The following ARHGEF7 variants were observed in gnomAD, a reference collection of about 807,000 sequenced individuals.
The protein encoded by ARHGEF7 is Rho guanine nucleotide exchange factor 7.
Under a neutral mutation model 109.8 loss-of-function variants are expected in ARHGEF7, and 33 were observed. The ratio of observed to expected loss-of-function variants is 0.30; its 90% CI spans 0.23 to 0.40. The LOEUF (loss-of-function observed/expected upper bound fraction) is 0.40, where lower values mean the gene tolerates loss of function less well. Among genes scored for constraint, ARHGEF7 ranks in the 10% least tolerant of loss-of-function variants. ARHGEF7 has a pLI of 1.00. For missense variants in ARHGEF7, 938 were observed against 1,098.5 expected (o/e 0.85, Z 2.07); for synonymous variants, 458 against 424.6 (o/e 1.08, Z -0.97).
intron 2 of ARHGEF7, among the ~76,000 whole-genome samples, chr13:111,176,570 G>A (rs968747286): frequency 1.3e-5 from 2 of 152,174 alleles, no homozygotes; most frequent in Non-Finnish European, 2.9e-5. Flanking sequence ...ACCTGTCACT[G>A]CCTAAACACC....
chr13:111,216,322 T>A (rs1460417080), intron 4 of ARHGEF7, among the ~76,000 whole-genome samples: 1 of 152,018 alleles, frequency 6.6e-6, no homozygotes, highest in South Asian at 2.1e-4. Flanking sequence ...GGGGGCTGTA[T>A]GTCAAGAAGT....
rs531247743 is a variant in ARHGEF7 at position 111,294,881 on chromosome 13, C to T, written c.2311+2587C>T. The T allele has an allele frequency of 8.7e-5, 86 of 985,814 alleles. 3 individuals are homozygous for T. The South Asian group carries it at 3.5e-3, about 40-fold the overall frequency. 61.1% of individuals were successfully genotyped at this position (985,814 alleles called of 1,614,324 possible). A position where few individuals can be genotyped will look rare whatever the true frequency, so the allele number is the denominator to read the frequency against. ...CTAAATGGTGTTCCCTTTGAAATAA[C>T]GCTTGCCACAAGTATATAATAAGCT... On this transcript the variant is annotated intron_variant, in intron 19 of 21. Transcript: ENST00000646102.
At chr13:111,293,863 G>A in intron 19 of ARHGEF7, 1 of 985,362 alleles carries the variant, frequency 1.0e-6, no homozygotes, top group Non-Finnish European at 1.2e-6. Context: ...GTCTTGTCCT[G>A]GGAGCCGGGT....
At chr13:111,300,900 A>G (rs1167766899) in intron 20 of ARHGEF7, 53 bp downstream of exon 20, 2 of 1,206,736 alleles carry the variant, frequency 1.7e-6, no homozygotes, top group East Asian at 2.5e-5. Flanking sequence ...GCGGTGGGGT[A>G]GTAGAGTCCA....
chr13:111,249,420 G>T (rs779582309), intron 8 of ARHGEF7, among the ~76,000 whole-genome samples: 12 of 151,822 alleles, frequency 7.9e-5, no homozygotes, highest in Admixed American at 2.0e-4. Flanking sequence ...GAGAAGTTCA[G>T]TATTTAAAGG....
chr13:111,203,098 G>T, intron 2 of ARHGEF7: 2 of 1,282,598 alleles, frequency 1.6e-6, no homozygotes, highest in South Asian at 1.3e-5. Context: ...TTTGTGACTT[G>T]CTGCCTTGCC....
At chr13:111,301,996 G>A (rs2093579158) in intron 21 of ARHGEF7, among the ~76,000 whole-genome samples, 2 of 151,902 alleles carry the variant, frequency 1.3e-5, no homozygotes, top group South Asian at 2.1e-4. Flanking sequence ...AAAGTGACTT[G>A]TTTAAACTCT....
Position 111,273,895 on chromosome 13 carries a change from C to G in ARHGEF7, c.1155C>G (p.Pro385=). 6.2e-7 allele frequency: 1 copy of G among 1,614,176 alleles called. No individual in the cohort carries two copies. The highest frequency in any genetic ancestry group is 8.5e-7 in the Non-Finnish European group (1 of 1,180,030). ...ILVLTTGLSK[P]FMRLDKYPTL... ...TGCTGACCACGGGCCTGAGCAAACC[C>G]TTCATGCGCCTGGATAAATACCCTA... The change falls in exon 10 of 22, where the codon CCC becomes CCG. Residue 385 remains proline (P), a synonymous_variant. Coordinates refer to ENST00000646102, the MANE Select transcript of ARHGEF7 (RefSeq NM_001354046.2). This position sits in a 1 kb window ranked among gnomAD's most constrained non-coding sequence, Gnocchi z 4.5.
At chr13:111,280,410 C>A in intron 14 of ARHGEF7, 60 bp downstream of exon 14, 2 of 1,582,910 alleles carry the variant, frequency 1.3e-6, no homozygotes, top group Non-Finnish European at 1.7e-6. Flanking sequence ...CTTGTCCCCG[C>A]GTGCAGATTC....
chr13:111,173,362 T>C (rs937900100), intron 2 of ARHGEF7, among the ~76,000 whole-genome samples: 1 of 152,256 alleles, frequency 6.6e-6, no homozygotes, highest in African/African-American at 2.4e-5. Flanking sequence ...GTCACTTTTA[T>C]CTTCACAGAG....
Position 111,162,533 on chromosome 13 carries a change from A to AG in ARHGEF7, c.252+8544dup, listed in dbSNP as rs1252744559. Among the ~76,000 whole-genome samples the AG allele has an allele frequency of 2.6e-5, 4 of 152,190 alleles. No homozygotes were observed. In the East Asian group the frequency reaches 7.7e-4, roughly 29 times the overall value. ...AGACGGTCTGCAAAGGTGAGAGGGC[A>AG]GGTTTTCATTTTCTCACTTTACAGT... is the stretch of plus-strand genomic sequence containing the variant. On this transcript the variant is annotated intron_variant, in intron 2 of 21. Coordinates refer to ENST00000646102, the MANE Select transcript of ARHGEF7 (RefSeq NM_001354046.2).
chr13:111,188,574 T>C (rs2079519019), intron 2 of ARHGEF7, among the ~76,000 whole-genome samples: 1 of 152,216 alleles, frequency 6.6e-6, no homozygotes, highest in South Asian at 2.1e-4. Context: ...CAGGGCCGAC[T>C]TGCATTTGTG....
In ARHGEF7 at chr13:111,280,553, G is replaced by A. The variant is rs145441983; in HGVS notation, c.1601G>A (p.Arg534Gln). Residue 534 changes from arginine (R) to glutamine (Q), a missense_variant, in exon 15 of 22, where the codon CGG becomes CAG. Transcript: ENST00000646102. ...TCTCCTATAGGGAGCATGATTGAGC[G>A]GATATTAGTGTCGTGCAACAACCAG... ...AFEISGSMIE[R>Q]ILVSCNNQQD... 1.5e-5 allele frequency: 24 copies of A among 1,606,520 alleles called. No homozygotes were observed. The highest frequency in any genetic ancestry group is 8.6e-5 in the Admixed American group (5 of 58,294).
At chr13:111,260,709 A>C (rs2090994455) in intron 8 of ARHGEF7, among the ~76,000 whole-genome samples, 1 of 152,252 alleles carries the variant, frequency 6.6e-6, no homozygotes, top group South Asian at 2.1e-4. Flanking sequence ...AAGAATACAG[A>C]ATAGTATAAC....
chr13:111,124,022 C>G (rs1254686530), intron 1 of ARHGEF7, among the ~76,000 whole-genome samples: 1 of 152,110 alleles, frequency 6.6e-6, no homozygotes, highest in Non-Finnish European at 1.5e-5. Context: ...TTTATTTTGA[C>G]CTACTTTGGC....
Position 111,267,500 on chromosome 13 carries a change from C to T in ARHGEF7, c.951-48C>T, listed in dbSNP as rs1295257983. The T allele has an allele frequency of 3.1e-6, 5 of 1,609,164 alleles. No homozygotes were observed. In the Middle Eastern group the frequency reaches 4.9e-4, roughly 159 times the overall value. On this transcript the variant is annotated intron_variant, in intron 8 of 21. Coordinates refer to ENST00000646102, the MANE Select transcript of ARHGEF7 (RefSeq NM_001354046.2). The stretch of plus-strand genomic sequence containing the variant: ...ATATGTCTGTCAGTTAGCAGTTGTC[C>T]TGTCTGTAAAACTGATGACTATTTC...
intron 11 of ARHGEF7, among the ~76,000 whole-genome samples, chr13:111,275,054 TGTC>T (rs2092400149): frequency 6.6e-6 from 1 of 152,260 alleles, no homozygotes; most frequent in Admixed American, 6.5e-5. Context: ...TCATTCATGT[TGTC>T]TTTAATGATT....
intron 2 of ARHGEF7, among the ~76,000 whole-genome samples, chr13:111,174,479 C>G (rs2077923589): frequency 6.6e-6 from 1 of 152,166 alleles, no homozygotes; most frequent in Non-Finnish European, 1.5e-5. Flanking sequence ...TTGTCTGTCT[C>G]CCTTTCTTGC....
intron 10 of ARHGEF7, 33 bp from the exon 11 acceptor site, chr13:111,274,698 T>A (rs2274205): frequency 0.026 from 34,983 of 1,334,024 alleles, 1,409 homozygotes; most frequent in Admixed American, 0.17. Context: ...CTTTTCCTTA[T>A]GAAAGCTAAT....
Sources: allele counts gnomAD v4.1 joint callset (sites outside exome capture counted in the v4.1 genomes callset), GRCh38; gene constraint gnomAD v4.1.1; non-coding constraint Gnocchi (gnomAD v3.1); transcripts MANE v1.5; gene names NCBI Gene and HGNC (gene_info 2026-07-23, HGNC 2026-07-21).